COL5A3: variants seen among roughly 807,000 people sequenced by gnomAD.
The protein encoded by COL5A3 is collagen alpha-3(V) chain.
COL5A3 carries 172 observed loss-of-function variants against 250.0 expected under a neutral mutation model. That is an observed-to-expected ratio of 0.69 (90% CI 0.61 to 0.78). The LOEUF is 0.78. COL5A3 is among the 30% of genes least tolerant of loss of function. The pLI is 0.00. For synonymous variants in COL5A3, 937 were observed against 900.4 expected, an observed-to-expected ratio of 1.04 and a Z score of -0.73; for missense variants, 2,340 against 2,334.4, an observed-to-expected ratio of 1.00 and a Z score of -0.05.
chr19:9,990,384 A>C (rs1294843074), intron 24 of COL5A3, among the ~76,000 whole-genome samples: 1 of 127,596 alleles, frequency 7.8e-6, no homozygotes, highest in Non-Finnish European at 1.6e-5. Context: ...ACAAGAGTGA[A>C]ATTCTGTCAA....
At chr19:9,992,192 G>A in intron 21 of COL5A3, 144 bp from the exon 22 acceptor site, 1 of 689,744 alleles carries the variant, frequency 1.4e-6, no homozygotes, top group Non-Finnish European at 2.5e-6. Flanking sequence ...GGAGGCTGAG[G>A]CAGGTGGATC....
In COL5A3 at chr19:9,976,816, C is replaced by G. The variant is rs190312110; in HGVS notation, c.3289-205G>C. ...ACGTCTGTCCTAAGCCCAGCCCTGG[C>G]CACAAGTTCCACCAAGACCCAGGGA... On this transcript the variant is annotated intron_variant, in intron 44 of 66. Transcript: ENST00000264828. Among the ~76,000 whole-genome samples, 7 of 152,246 alleles carry G rather than the reference C, an allele frequency of 4.6e-5. No homozygotes were observed. The East Asian group carries it at 1.3e-3, about 29-fold the overall frequency.
In COL5A3 at chr19:10,009,599, G is replaced by A. The variant is rs2087496824; in HGVS notation, c.88+699C>T. 6.6e-6 allele frequency among the ~76,000 whole-genome samples: 1 copy of A among 152,078 alleles called. No individual in the cohort carries two copies. On this transcript the variant is annotated intron_variant, in intron 1 of 66. Transcript: ENST00000264828. The surrounding 1 kb of genome is among the most constrained non-coding windows in gnomAD (Gnocchi z 4.4). ...GTCCATGGTGCTGATCGCGGCTCTG[G>A]GGACCGCGGGGTGGGGGAGGGGGCA...
intron 27 of COL5A3, 130 bp downstream of exon 27, chr19:9,988,994 C>G: frequency 1.1e-6 from 1 of 916,264 alleles, no homozygotes; most frequent in Non-Finnish European, 1.8e-6. Context: ...GCTCCAAACC[C>G]CAGTCCCACT....
intron 4 of COL5A3, among the ~76,000 whole-genome samples, chr19:10,005,309 C>T (rs1255103954): frequency 2.7e-5 from 4 of 150,424 alleles, no homozygotes; most frequent in Non-Finnish European, 4.4e-5. Flanking sequence ...GAGATCAAGC[C>T]ACTGCACTCC....
intron 9 of COL5A3, 29 bp from the exon 10 acceptor site, chr19:9,998,054 G>C: frequency 6.2e-7 from 1 of 1,613,936 alleles, no homozygotes; most frequent in Non-Finnish European, 8.5e-7. Context: ...GTCGGTGACC[G>C]CTGTCATCAT....
chr19:10,007,103 T>G (rs551457472), intron 1 of COL5A3, among the ~76,000 whole-genome samples: 1 of 148,688 alleles, frequency 6.7e-6, no homozygotes, highest in Admixed American at 6.7e-5. Context: ...ACCTCCTCCC[T>G]CTGACTCTCC....
At position 10,002,883 on chromosome 19, in the gene COL5A3, C is replaced by A. The variant is rs951886049; in HGVS notation, c.849+682G>T. 1.8e-4 allele frequency among the ~76,000 whole-genome samples: 27 copies of A among 152,208 alleles called. 1 individual carries two copies. Among genetic ancestry groups the A allele is most frequent in the Admixed American group, 1.3e-4 (2 of 15,278 alleles). ...AAATCACTCTTCCAACTTGTGGCCCCAATGAGTGACCCCACTATGACTTCC... is the reference window on the plus strand; with the variant it reads ...AAATCACTCTTCCAACTTGTGGCCCAAATGAGTGACCCCACTATGACTTCC... On this transcript the variant is annotated intron_variant, in intron 6 of 66. Transcript: ENST00000264828.
chr19:9,966,464 G>C, intron 63 of COL5A3, 38 bp from the exon 64 acceptor site: 3 of 1,572,832 alleles, frequency 1.9e-6, no homozygotes, highest in Non-Finnish European at 2.6e-6. Flanking sequence ...AGTCCGGATG[G>C]GACCCGACGG....
At chr19:9,992,201 T>A (rs1480749546) in intron 21 of COL5A3, among the ~76,000 whole-genome samples, 153 bp from the exon 22 acceptor site, 1 of 149,798 alleles carries the variant, frequency 6.7e-6, no homozygotes, top group Admixed American at 6.7e-5. Flanking sequence ...GGCAGGTGGA[T>A]CACCTGAGGT....
intron 64 of COL5A3, among the ~76,000 whole-genome samples, chr19:9,964,841 A>C (rs2086716155): frequency 7.8e-6 from 1 of 128,358 alleles, no homozygotes; most frequent in African/African-American, 3.0e-5. Flanking sequence ...ACGTAGTGAA[A>C]CCCCATCTCT....
intron 51 of COL5A3, 150 bp from the exon 52 acceptor site, chr19:9,971,408 T>C: frequency 1.6e-6 from 1 of 635,726 alleles, no homozygotes; most frequent in Non-Finnish European, 2.7e-6. Flanking sequence ...AGAGCGAACA[T>C]TCTCGTGTTT....
intron 44 of COL5A3, among the ~76,000 whole-genome samples, chr19:9,977,003 C>G (rs1203084687): frequency 2.6e-5 from 4 of 152,136 alleles, no homozygotes; most frequent in African/African-American, 7.2e-5. Flanking sequence ...CTTTCCAGTT[C>G]TTTGGGAGCC....
rs1568410134 is a variant in COL5A3 at position 9,972,965 on chromosome 19, G to A, written c.3728C>T (p.Pro1243Leu). 1 of 1,611,790 alleles carries A rather than the reference G, an allele frequency of 6.2e-7. No homozygotes were observed. The highest frequency in any genetic ancestry group is 2.2e-5 in the East Asian group (1 of 44,846). The change falls in exon 51 of 67, where the codon CCA (proline) becomes CTA (leucine). Residue 1243 changes from proline (P) to leucine (L), a missense_variant. By Grantham distance (98) the Pro-to-Leu change is moderately conservative. Around this residue, in one of 3 missense-constraint regions of COL5A3, gnomAD observed 1,179 missense variants for 1,162.6 expected, o/e 1.01. Coordinates refer to ENST00000264828, the MANE Select transcript of COL5A3 (RefSeq NM_015719.4). ...DSGPSGAAGP[P>L]GKKGPPGEDG... is the part of the protein sequence containing the mutation. ...CTCTCCAGGGGGACCTTTCTTGCCT[G>A]GGGGTCCAGCAGCTCCAGATGGGCC...
rs117231332 is a variant in COL5A3 at position 9,992,136 on chromosome 19, A to G, written c.1849-88T>C. 9.6e-4 allele frequency: 1,138 copies of G among 1,188,730 alleles called. 8 individuals carry two copies. The highest frequency in any genetic ancestry group is 6.0e-3 in the East Asian group (255 of 42,612). The allele number at this position is 1,188,730 out of a possible 1,614,324, so 73.6% of individuals were successfully genotyped here. A position where few individuals can be genotyped will look rare whatever the true frequency, so the allele number is the denominator to read the frequency against. The stretch of plus-strand genomic sequence containing the variant: ...ACCGAGAGATGCAGGTGGAAAGGTG[A>G]GCAGGGCCGGGCACTGTGGCTCATG... On this transcript the variant is annotated intron_variant, in intron 21 of 66. Coordinates refer to ENST00000264828, the MANE Select transcript of COL5A3 (RefSeq NM_015719.4).
At chr19:9,995,176 G>T (rs1248971021) in intron 16 of COL5A3, among the ~76,000 whole-genome samples, 2 of 152,170 alleles carry the variant, frequency 1.3e-5, no homozygotes, top group Non-Finnish European at 2.9e-5. Context: ...CCTAAGTGCT[G>T]GTATTATAGG....
Position 10,004,107 on chromosome 19 carries a change from C to A in COL5A3, c.633G>T (p.Gln211His), listed in dbSNP as rs369643289. 1 of 1,613,948 alleles carries A rather than the reference C, an allele frequency of 6.2e-7. No homozygotes were observed. Among genetic ancestry groups the A allele is most frequent in the African/African-American group, 1.3e-5 (1 of 74,892 alleles). Reference protein sequence around the residue: ...IQELLISPDPQAAFQACERYL... With the variant: ...IQELLISPDPHAAFQACERYL... Reference sequence around the variant, plus strand: ...ACCGCTCACAAGCCTGGAAGGCAGCCTGAGGATCTGGGCTTATCAGCAGCT... The same window carrying A: ...ACCGCTCACAAGCCTGGAAGGCAGCATGAGGATCTGGGCTTATCAGCAGCT... The change falls in exon 5 of 67, where the codon CAG (glutamine) becomes CAT (histidine). Residue 211 changes from glutamine (Q) to histidine (H), a missense_variant. Gln to His is a conservative substitution (Grantham distance 24). Around this residue, in one of 3 missense-constraint regions of COL5A3, gnomAD observed 1,152 missense variants for 1,146.3 expected, o/e 1.00. Coordinates refer to ENST00000264828, the MANE Select transcript of COL5A3 (RefSeq NM_015719.4).
chr19:10,003,909 G>A (rs1461335194), intron 5 of COL5A3, 132 bp downstream of exon 5: 8 of 1,002,638 alleles, frequency 8.0e-6, no homozygotes, highest in Non-Finnish European at 1.5e-6. Context: ...ATTCATGCCT[G>A]GGATGTGTTG....
At chr19:9,970,482 AGTGGGGGCT>A in intron 54 of COL5A3, 131 bp downstream of exon 54, 1 of 159,816 alleles carries the variant, frequency 6.3e-6, no homozygotes, top group African/African-American at 1.0e-4. Context: ...CTGTGGGGTG[AGTGGGGGCT>A]GTGGAGTGAG....
Sources: allele counts gnomAD v4.1 joint callset (sites outside exome capture counted in the v4.1 genomes callset), GRCh38; gene constraint gnomAD v4.1.1; regional missense constraint gnomAD v4.1.1; non-coding constraint Gnocchi (gnomAD v3.1); transcripts MANE v1.5; gene names NCBI Gene and HGNC (gene_info 2026-07-23, HGNC 2026-07-21).